The following ENTREP2 variants were observed in gnomAD, a reference collection of about 807,000 sequenced individuals.
The protein encoded by ENTREP2 is endosomal transmembrane epsin interactor 2, also known as protein ENTREP2.
chr15:29,276,400 C>T, the ENTREP2 span, among the ~76,000 whole-genome samples: 1 of 152,200 alleles, frequency 6.6e-6, no homozygotes, highest in Admixed American at 6.5e-5. Context: ...GTTCTGTATC[C>T]TTTCCCTTTA....
the ENTREP2 span, among the ~76,000 whole-genome samples, chr15:29,146,659 C>T: frequency 5.1e-4 from 78 of 152,242 alleles, no homozygotes; most frequent in Middle Eastern, 3.4e-3. Flanking sequence ...ATGTGCAGGC[C>T]GGGTGTGGTG....
chr15:29,626,792 T>C, the ENTREP2 span, among the ~76,000 whole-genome samples: 2 of 152,208 alleles, frequency 1.3e-5, no homozygotes, highest in African/African-American at 4.8e-5. Flanking sequence ...TAGGATTTTC[T>C]GTAGATGATC....
At chr15:29,671,861 C>G in the ENTREP2 span, among the ~76,000 whole-genome samples, 45 of 152,314 alleles carry the variant, frequency 3.0e-4, no homozygotes, top group South Asian at 8.3e-4. Context: ...GCACATGCCA[C>G]AGTGTCCCCC....
At chr15:29,551,118 C>A in the ENTREP2 span, among the ~76,000 whole-genome samples, 1 of 152,138 alleles carries the variant, frequency 6.6e-6, no homozygotes. Flanking sequence ...GGTTTGAACA[C>A]CCTTCCTACA....
chr15:29,594,744 C>G, the ENTREP2 span, among the ~76,000 whole-genome samples: 5 of 152,064 alleles, frequency 3.3e-5, no homozygotes, highest in African/African-American at 1.2e-4. Flanking sequence ...GGGCAAATCA[C>G]TTGAGGTCAG....
chr15:29,126,215 C>T, the ENTREP2 span: 139 of 1,374,644 alleles, frequency 1.0e-4, 1 homozygote, highest in South Asian at 1.8e-3. Flanking sequence ...CCTGCAGCAT[C>T]CAAGGAAAGC....
the ENTREP2 span, among the ~76,000 whole-genome samples, chr15:29,331,001 C>T: frequency 1.3e-5 from 2 of 152,200 alleles, no homozygotes; most frequent in Non-Finnish European, 2.9e-5. Context: ...GCTGCAGAAT[C>T]CCCAGGGCCA....
chr15:29,132,246 C>T, the ENTREP2 span, among the ~76,000 whole-genome samples: 1 of 152,198 alleles, frequency 6.6e-6, no homozygotes, highest in Non-Finnish European at 1.5e-5. Flanking sequence ...GTCAGAGGGG[C>T]CTTGCTGCCT....
chr15:29,349,466 A>C, the ENTREP2 span, among the ~76,000 whole-genome samples: 15 of 152,326 alleles, frequency 9.8e-5, no homozygotes, highest in African/African-American at 3.6e-4. Flanking sequence ...TACATGGCAT[A>C]CTGGCAAACT....
chr15:29,264,794 T>C, the ENTREP2 span, among the ~76,000 whole-genome samples: 1 of 152,128 alleles, frequency 6.6e-6, no homozygotes, highest in Admixed American at 6.6e-5. Context: ...TAAATTAGCA[T>C]AACCTCAAAA....
the ENTREP2 span, among the ~76,000 whole-genome samples, chr15:29,598,098 G>A: frequency 1.3e-4 from 20 of 150,986 alleles, no homozygotes; most frequent in Non-Finnish European, 2.5e-4. Flanking sequence ...CTCTAGCCGG[G>A]GCAACAGAGT....
the ENTREP2 span, among the ~76,000 whole-genome samples, chr15:29,547,739 A>G: frequency 0.43 from 65,051 of 151,710 alleles, 14,573 homozygotes; most frequent in African/African-American, 0.58. Flanking sequence ...CCACCTCTGG[A>G]TATATATCGA....
chr15:29,478,149 C>T, the ENTREP2 span, among the ~76,000 whole-genome samples: 1 of 150,028 alleles, frequency 6.7e-6, no homozygotes, highest in East Asian at 2.0e-4. Context: ...CTCAGCCTCC[C>T]GAGTAGCTGG....
chr15:29,224,003 T>C, the ENTREP2 span, among the ~76,000 whole-genome samples: 13 of 152,296 alleles, frequency 8.5e-5, no homozygotes, highest in Admixed American at 2.0e-4. Flanking sequence ...CCAGAATTGA[T>C]GGGTTCTTGG....
chr15:29,422,285 AAG>A, the ENTREP2 span, among the ~76,000 whole-genome samples: 8 of 151,948 alleles, frequency 5.3e-5, no homozygotes, highest in Non-Finnish European at 8.8e-5. Context: ...AAAAAGAAAA[AAG>A]AAAAAAAGAA....
chr15:29,381,309 T>C, the ENTREP2 span, among the ~76,000 whole-genome samples: 7 of 150,678 alleles, frequency 4.6e-5, no homozygotes, highest in Non-Finnish European at 1.0e-4. Context: ...ACAAAAAAAT[T>C]AGCCGGGCAT....
At chr15:29,296,520 G>A in the ENTREP2 span, among the ~76,000 whole-genome samples, 13 of 152,002 alleles carry the variant, frequency 8.6e-5, no homozygotes, top group Non-Finnish European at 8.8e-5. Context: ...GCCCAAAATC[G>A]ACAGAAAATA....
chr15:29,251,169 G>A, the ENTREP2 span, among the ~76,000 whole-genome samples: 1 of 152,198 alleles, frequency 6.6e-6, no homozygotes, highest in African/African-American at 2.4e-5. Context: ...CATAGCCACA[G>A]GTAGAGCAGG....
the ENTREP2 span, among the ~76,000 whole-genome samples, chr15:29,557,111 T>C: frequency 1.3e-5 from 2 of 152,202 alleles, no homozygotes; most frequent in African/African-American, 4.8e-5. Context: ...CTGCCGGTCA[T>C]GTGTCAGATA....
Sources: allele counts gnomAD v4.1 joint callset (sites outside exome capture counted in the v4.1 genomes callset), GRCh38; gene constraint gnomAD v4.1.1; transcripts MANE v1.5; gene names NCBI Gene and HGNC (gene_info 2026-07-23, HGNC 2026-07-21).